The following MAMDC2 variants were observed in gnomAD, a reference collection of about 807,000 sequenced individuals.
MAMDC2 encodes the protein MAM domain containing 2, also known as MAM domain-containing protein 2.
Under a neutral mutation model 89.8 loss-of-function variants are expected in MAMDC2, and 57 were observed. The observed-to-expected ratio is 0.63, with a 90% CI of 0.51 to 0.79. MAMDC2 has a LOEUF of 0.79. Among genes scored for constraint, MAMDC2 ranks in the 30% least tolerant of loss-of-function variants. MAMDC2 has a pLI of 0.00. For missense variants in MAMDC2, 800 were observed against 820.6 expected, an observed-to-expected ratio of 0.97 and a Z score of 0.31; for synonymous variants, 313 against 293.4, an observed-to-expected ratio of 1.07 and a Z score of -0.68.
At chr9:70,133,206 A>G (rs1453633784) in intron 7 of MAMDC2, among the ~76,000 whole-genome samples, 15 of 152,314 alleles carry the variant, frequency 9.8e-5, no homozygotes, top group Non-Finnish European at 2.9e-5. Flanking sequence ...TGTCTATGGT[A>G]GAAGAGGTGT....
At chr9:70,218,259 C>T in intron 11 of MAMDC2, 78 bp from the exon 12 acceptor site, 4 of 1,478,310 alleles carry the variant, frequency 2.7e-6, no homozygotes, top group Non-Finnish European at 3.7e-6. Context: ...TGACTTGACA[C>T]TCTGAAAGAA....
At chr9:70,092,278 G>A (rs1827919376) in intron 2 of MAMDC2, 1 of 152,166 alleles carries the variant, frequency 6.6e-6, no homozygotes, top group African/African-American at 2.4e-5. Context: ...CTTTACTGCA[G>A]ACCAAGGCCT....
chr9:70,202,438 T>A (rs1323855693), intron 11 of MAMDC2, among the ~76,000 whole-genome samples: 2 of 151,830 alleles, frequency 1.3e-5, no homozygotes, highest in South Asian at 4.2e-4. Flanking sequence ...ATAATGTCTG[T>A]TCTTTTACAT....
At chr9:70,063,805 A>G (rs1217502124) in intron 2 of MAMDC2, among the ~76,000 whole-genome samples, 1 of 152,072 alleles carries the variant, frequency 6.6e-6, no homozygotes, top group Non-Finnish European at 1.5e-5. Flanking sequence ...TATCATTCCC[A>G]TTTTACAGAT....
At chr9:70,214,783 A>G (rs1236391057) in intron 11 of MAMDC2, among the ~76,000 whole-genome samples, 2 of 152,156 alleles carry the variant, frequency 1.3e-5, no homozygotes, top group East Asian at 3.9e-4. Context: ...AGCCAGTGGG[A>G]ATTCCTGATA....
Position 70,168,692 on chromosome 9 carries a change from T to C in MAMDC2, c.1405-10T>C, listed in dbSNP as rs10780871. On this transcript the variant is annotated splice_polypyrimidine_tract_variant and intron_variant, in intron 9 of 13. Coordinates refer to ENST00000377182, the MANE Select transcript of MAMDC2 (RefSeq NM_153267.5). ...AACAGAATTCATAGCTTTATTTTTATGAATTTCAGGTGGTTTTCATGAGCC... is the reference window on the plus strand; with the variant it reads ...AACAGAATTCATAGCTTTATTTTTACGAATTTCAGGTGGTTTTCATGAGCC... 1,407,244 of 1,609,016 alleles carry C rather than the reference T, an allele frequency of 0.87. 616,265 individuals are homozygous for C. The highest frequency in any genetic ancestry group is 0.95 in the East Asian group (42,749 of 44,852).
intron 3 of MAMDC2, among the ~76,000 whole-genome samples, chr9:70,108,864 A>G (rs2118257753): frequency 6.6e-6 from 1 of 152,358 alleles, no homozygotes; most frequent in South Asian, 2.1e-4. Context: ...TCTTTGCTAC[A>G]AATTTTGAAC....
At chr9:70,203,848 C>T (rs1315827263) in intron 11 of MAMDC2, among the ~76,000 whole-genome samples, 5 of 121,026 alleles carry the variant, frequency 4.1e-5, no homozygotes, top group Non-Finnish European at 6.9e-5. Context: ...TTGATCGCAT[C>T]GGCTCCTGAG....
In MAMDC2 at chr9:70,044,576, G is replaced by T. The variant is rs1321090394; in HGVS notation, c.35-8G>T. The T allele has an allele frequency of 8.4e-6, 13 of 1,548,274 alleles. No homozygotes were observed. In the Admixed American group the frequency reaches 1.2e-4, roughly 14 times the overall value. ...GAGCTCGAACTGAAACTCGCTTTGT[G>T]CCCGCAGCCCTGCAGCTCGCCGGTG... is the stretch of plus-strand genomic sequence containing the variant. On this transcript the variant is annotated splice_region_variant and splice_polypyrimidine_tract_variant and intron_variant, in intron 1 of 13. Coordinates refer to ENST00000377182, the MANE Select transcript of MAMDC2 (RefSeq NM_153267.5).
intron 6 of MAMDC2, among the ~76,000 whole-genome samples, chr9:70,130,095 T>A (rs997766499): frequency 6.6e-6 from 1 of 151,852 alleles, no homozygotes; most frequent in African/African-American, 2.4e-5. Context: ...ACCAGTCGTT[T>A]AAATTAGAGG....
intron 9 of MAMDC2, chr9:70,153,836 T>C (rs530982321): frequency 1.3e-5 from 2 of 152,290 alleles, no homozygotes; most frequent in Admixed American, 1.3e-4. Context: ...GAATCTTGTG[T>C]CAGCCCTTCT....
chr9:70,215,121 AAG>A (rs1309424258), intron 11 of MAMDC2, among the ~76,000 whole-genome samples: 22 of 152,204 alleles, frequency 1.4e-4, no homozygotes, highest in Non-Finnish European at 1.0e-4. Context: ...AAGGTCAGGA[AAG>A]AGAGAGTGGA....
At chr9:70,059,034 G>A (rs1827087447) in intron 2 of MAMDC2, among the ~76,000 whole-genome samples, 1 of 152,178 alleles carries the variant, frequency 6.6e-6, no homozygotes, top group Admixed American at 6.5e-5. Flanking sequence ...TATGTTTCTT[G>A]ATCATCTTGA....
chr9:70,100,019 A>AGAGAGAGAGC (rs1352885859), intron 2 of MAMDC2, among the ~76,000 whole-genome samples: 2 of 140,798 alleles, frequency 1.4e-5, no homozygotes, highest in Admixed American at 7.0e-5. Flanking sequence ...AGAGAGAGAG[A>AGAGAGAGAGC]GAGAGCACAA....
At chr9:70,076,586 A>C (rs1264199492) in intron 2 of MAMDC2, among the ~76,000 whole-genome samples, 3 of 152,184 alleles carry the variant, frequency 2.0e-5, no homozygotes, top group African/African-American at 4.8e-5. Context: ...TGACTTCTTC[A>C]TCCTTTTCAA....
At chr9:70,212,628 C>T (rs939950813) in intron 11 of MAMDC2, among the ~76,000 whole-genome samples, 2 of 152,164 alleles carry the variant, frequency 1.3e-5, no homozygotes, top group African/African-American at 4.8e-5. Flanking sequence ...GGGCTGCATC[C>T]GCTGTCCAAT....
At chr9:70,061,858 G>A (rs1420668806) in intron 2 of MAMDC2, among the ~76,000 whole-genome samples, 1 of 152,186 alleles carries the variant, frequency 6.6e-6, no homozygotes. Context: ...ATGTGATTAA[G>A]TATCCAGTGA....
At chr9:70,119,873 T>A (rs2030204348) in intron 5 of MAMDC2, among the ~76,000 whole-genome samples, 1 of 152,228 alleles carries the variant, frequency 6.6e-6, no homozygotes. Context: ...TGCTATTTAA[T>A]CTAGAGTTGA....
chr9:70,052,126 G>A (rs1826921416), intron 2 of MAMDC2, among the ~76,000 whole-genome samples: 1 of 152,204 alleles, frequency 6.6e-6, no homozygotes, highest in African/African-American at 2.4e-5. Context: ...AGGTGATTGT[G>A]ATATGTGTCC....
Sources: gnomAD v4.1 joint callset for allele counts (sites outside exome capture counted in the v4.1 genomes callset) on GRCh38, gnomAD v4.1.1 for gene constraint, MANE v1.5 for transcripts, NCBI Gene and HGNC (gene_info 2026-07-23, HGNC 2026-07-21) for gene names.